Variants in TRMT10B observed in about 807,000 individuals in gnomAD.
The protein encoded by TRMT10B is tRNA methyltransferase 10 homolog B.
In TRMT10B, 33 loss-of-function variants were observed where a neutral mutation model predicts 43.8. That is an observed-to-expected ratio of 0.75 (90% CI 0.57 to 1.01). The LOEUF (loss-of-function observed/expected upper bound fraction) is 1.01, where lower values mean the gene tolerates loss of function less well. TRMT10B is among the 50% of genes least tolerant of loss of function. The pLI, the probability that TRMT10B is intolerant of heterozygous loss-of-function variation, is 0.00. For synonymous variants in TRMT10B, 137 were observed against 130.6 expected (o/e 1.05, Z -0.34); for missense variants, 362 against 369.8 (o/e 0.98, Z 0.17).
At chr9:37,762,282 A>G (rs1270591203) in intron 2 of TRMT10B, among the ~76,000 whole-genome samples, 165 bp downstream of exon 2, 1 of 152,178 alleles carries the variant, frequency 6.6e-6, no homozygotes. Flanking sequence ...GTTCCATTTG[A>G]GTCATAGGAA....
chr9:37,763,157 A>AAC (rs1554676663), intron 3 of TRMT10B, among the ~76,000 whole-genome samples: 1 of 143,084 alleles, frequency 7.0e-6, no homozygotes, highest in Admixed American at 6.9e-5. Context: ...AAAAAAAAAA[A>AAC]AAAAAAAACA....
In TRMT10B at chr9:37,762,585, C is replaced by T. The variant is rs376810024; in HGVS notation, c.195C>T (p.Val65=). 1 of 1,586,810 alleles carries T rather than the reference C, an allele frequency of 6.3e-7. No individual in the cohort carries two copies. The highest frequency in any genetic ancestry group is 8.6e-7 in the Non-Finnish European group (1 of 1,166,266). ...TTTCTGGATAATATAAGAAAAATGT[C>T]CAGAGAAAACAGAGACACTGGGAAA... ...TGSTAWCSKN[V]QRKQRHWEKI... Residue 65 remains valine (V), a synonymous_variant, in exon 3 of 9, where the codon GTC becomes GTT. Transcript: ENST00000297994.
intron 4 of TRMT10B, among the ~76,000 whole-genome samples, chr9:37,764,900 C>T (rs1196608847): frequency 6.6e-6 from 1 of 152,028 alleles, no homozygotes; most frequent in Non-Finnish European, 1.5e-5. Flanking sequence ...GTATACCATA[C>T]AGGGCCACGT....
At chr9:37,762,147 CT>C in intron 2 of TRMT10B, 30 bp downstream of exon 2, 2 of 1,586,812 alleles carry the variant, frequency 1.3e-6, no homozygotes, top group Non-Finnish European at 8.6e-7. Flanking sequence ...GGCCATAGGC[CT>C]TGAATGATGG....
intron 7 of TRMT10B, among the ~76,000 whole-genome samples, chr9:37,774,158 C>A (rs1022702565): frequency 1.3e-5 from 2 of 151,978 alleles, no homozygotes; most frequent in East Asian, 3.9e-4. Flanking sequence ...CACAGGTGGG[C>A]GCTACCATGC....
In TRMT10B at chr9:37,777,738, T is replaced by C. The variant is rs1828341394; in HGVS notation, c.*31T>C. 6 of 1,575,630 alleles carry C rather than the reference T, an allele frequency of 3.8e-6. No homozygotes were observed. The highest frequency in any genetic ancestry group is 5.2e-6 in the Non-Finnish European group (6 of 1,145,532). On this transcript the variant is annotated 3_prime_UTR_variant, in exon 9 of 9. Transcript: ENST00000297994. Reference sequence around the variant, plus strand: ...CTAAGATTGCAGCTGCGTGGCCAGGTGCTCACGCCGTAATGCCAACACTTT... The same window carrying C: ...CTAAGATTGCAGCTGCGTGGCCAGGCGCTCACGCCGTAATGCCAACACTTT...
chr9:37,773,853 G>A (rs1827841432), intron 7 of TRMT10B, among the ~76,000 whole-genome samples: 1 of 151,690 alleles, frequency 6.6e-6, no homozygotes. Context: ...AAAGTCTGGA[G>A]GGCTGGAGGA....
At position 37,769,307 on chromosome 9, in the gene TRMT10B, T is replaced by TCAAAAA. The variant is rs1563998742; in HGVS notation, c.574-634_574-633insCAAAAA. ...TGGGTGACAGAGCCAGACCCTGTCT[T>TCAAAAA]TAAAAAAAAAAAAAAAAAAAAAAAA... On this transcript the variant is annotated intron_variant, in intron 5 of 8. Transcript: ENST00000297994. Among the ~76,000 whole-genome samples the TCAAAAA allele has an allele frequency of 4.0e-4, 16 of 39,608 alleles. No homozygotes were observed. In the Admixed American group the frequency reaches 4.1e-3, roughly 10 times the overall value. The allele number at this position is 39,608 out of a possible 152,430, so 26.0% of individuals were successfully genotyped here.
Position 37,768,072 on chromosome 9 carries a change from G to C in TRMT10B, c.421-4G>C, listed in dbSNP as rs1827177095. 6.2e-7 allele frequency: 1 copy of C among 1,612,786 alleles called. No homozygotes were observed. The highest frequency in any genetic ancestry group is 1.7e-5 in the Admixed American group (1 of 59,672). The stretch of plus-strand genomic sequence containing the variant: ...TGCCCTGAGTTGTTCTTATTTCTTT[G>C]AAGGAATTAAGTAGACTGGCTGGAC... On this transcript the variant is annotated splice_polypyrimidine_tract_variant and splice_region_variant and intron_variant, in intron 4 of 8. Transcript: ENST00000297994.
upstream of TRMT10B, chr9:37,753,790 G>C (rs758246672): frequency 6.6e-6 from 1 of 152,296 alleles, no homozygotes; most frequent in Non-Finnish European, 1.5e-5. Context: ...AAGCGGAAGC[G>C]AGGCCGGGGG....
At chr9:37,762,935 C>A (rs1287389540) in intron 3 of TRMT10B, among the ~76,000 whole-genome samples, 1 of 146,336 alleles carries the variant, frequency 6.8e-6, no homozygotes, top group Non-Finnish European at 1.5e-5. Flanking sequence ...AGATCGAGAC[C>A]GTCCTGGATA....
chr9:37,755,097 C>T (rs193191920), intron 1 of TRMT10B, among the ~76,000 whole-genome samples: 248 of 152,010 alleles, frequency 1.6e-3, no homozygotes, highest in African/African-American at 5.7e-3. Flanking sequence ...GGTGAAACTC[C>T]GTCTCTACTA....
chr9:37,767,633 A>T (rs1240657389), intron 4 of TRMT10B: 1 of 152,278 alleles, frequency 6.6e-6, no homozygotes, highest in Non-Finnish European at 1.5e-5. Flanking sequence ...CTTTTATATA[A>T]GAGCATTGTC....
chr9:37,767,816 T>C (rs959576116), intron 4 of TRMT10B, among the ~76,000 whole-genome samples: 2 of 152,124 alleles, frequency 1.3e-5, no homozygotes, highest in Non-Finnish European at 1.5e-5. Context: ...AAAATAAGAA[T>C]TTCATATATT....
In TRMT10B at chr9:37,769,858, C is replaced by A. The variant is rs544602905; in HGVS notation, c.574-83C>A. The A allele has an allele frequency of 5.7e-6, 6 of 1,056,384 alleles. No homozygotes were observed. The African/African-American group carries it at 9.3e-5, about 16-fold the overall frequency. The allele number at this position is 1,056,384 out of a possible 1,614,324, so 65.4% of individuals were successfully genotyped here. On this transcript the variant is annotated intron_variant, in intron 5 of 8. Coordinates refer to ENST00000297994, the MANE Select transcript of TRMT10B (RefSeq NM_144964.4). ...GCTCAAGTGATCCTTCCACCTTAGC[C>A]TCCCAAAGTTCTGGGATTACAGACG...
intron 6 of TRMT10B, among the ~76,000 whole-genome samples, chr9:37,770,403 A>G (rs1827442855): frequency 6.6e-6 from 1 of 152,142 alleles, no homozygotes; most frequent in Admixed American, 6.5e-5. Context: ...ATTCTCATCT[A>G]ATTATTTCAC....
Position 37,774,463 on chromosome 9 carries a change from TG to T in TRMT10B, c.721-1817del, listed in dbSNP as rs1564004707. 2.0e-5 allele frequency among the ~76,000 whole-genome samples: 3 copies of T among 152,366 alleles called. No individual in the cohort carries two copies. The East Asian group carries it at 5.8e-4, about 29-fold the overall frequency. ...GAACTTTTTGGTTGTTATTGGAGTT[TG>T]GCTTCTTCACAGAAATAAGCTAAGA... On this transcript the variant is annotated intron_variant, in intron 7 of 8. Transcript: ENST00000297994.
chr9:37,753,098 C>T (rs562304932), upstream of TRMT10B, among the ~76,000 whole-genome samples: 40 of 151,516 alleles, frequency 2.6e-4, no homozygotes, highest in South Asian at 6.3e-4. Context: ...CCAGGTGTGC[C>T]CTCTTAAGAG....
At chr9:37,777,510 T>G (rs1165083118) in intron 8 of TRMT10B, 91 bp from the exon 9 acceptor site, 1 of 1,092,328 alleles carries the variant, frequency 9.2e-7, no homozygotes, top group Non-Finnish European at 1.4e-6. Context: ...AGAATAGGTT[T>G]GTTGAACGAA....
Sources: gnomAD v4.1 joint callset for allele counts (sites outside exome capture counted in the v4.1 genomes callset) on GRCh38, gnomAD v4.1.1 for gene constraint, MANE v1.5 for transcripts, NCBI Gene and HGNC (gene_info 2026-07-23, HGNC 2026-07-21) for gene names.